The following LIMCH1 variants were observed in gnomAD, a reference collection of about 807,000 sequenced individuals.
LIMCH1 encodes LIM and calponin homology domains-containing protein 1.
Under a neutral mutation model 176.5 loss-of-function variants are expected in LIMCH1, and 113 were observed. That is an observed-to-expected ratio of 0.64 (90% CI 0.55 to 0.75). The LOEUF is 0.75. Ranked by LOEUF, LIMCH1 falls within the 30% of genes least tolerant of loss-of-function variation. LIMCH1 has a pLI of 0.00. For synonymous variants in LIMCH1, 619 were observed against 645.9 expected (o/e 0.96, Z 0.63); for missense variants, 1,674 against 1,814.9 (o/e 0.92, Z 1.41).
intron 1 of LIMCH1, among the ~76,000 whole-genome samples, chr4:41,492,123 G>T (rs2071177807): frequency 6.6e-6 from 1 of 152,210 alleles, no homozygotes; most frequent in South Asian, 2.1e-4. Flanking sequence ...ATTGAGCATT[G>T]AGTGAGCGAG....
intron 13 of LIMCH1, among the ~76,000 whole-genome samples, chr4:41,635,504 A>G (rs1425900535): frequency 6.6e-6 from 1 of 152,182 alleles, no homozygotes; most frequent in South Asian, 2.1e-4. Context: ...CCGGGATTAC[A>G]GGTTTGAGCC....
At chr4:41,547,748 A>AG (rs2079710123) in intron 1 of LIMCH1, among the ~76,000 whole-genome samples, 1 of 140,228 alleles carries the variant, frequency 7.1e-6, no homozygotes, top group African/African-American at 2.8e-5. Flanking sequence ...CATAAATAAT[A>AG]TATAAAAATA....
chr4:41,547,665 T>C (rs1030834533), intron 1 of LIMCH1, among the ~76,000 whole-genome samples: 2 of 146,222 alleles, frequency 1.4e-5, no homozygotes, highest in African/African-American at 5.0e-5. Flanking sequence ...GATATAAATA[T>C]ATACATATAT....
intron 1 of LIMCH1, among the ~76,000 whole-genome samples, chr4:41,423,704 C>T (rs2060825706): frequency 6.6e-6 from 1 of 152,124 alleles, no homozygotes; most frequent in African/African-American, 2.4e-5. Context: ...CAAAATACAT[C>T]AAAATATTCT....
intron 23 of LIMCH1, 106 bp downstream of exon 23, chr4:41,676,568 C>T (rs1319980078): frequency 5.9e-6 from 5 of 842,234 alleles, no homozygotes; most frequent in Non-Finnish European, 5.9e-6. Flanking sequence ...TCAAGTTATT[C>T]TCGGAAGTTA....
At chr4:41,633,239 T>G (rs1211554608) in intron 12 of LIMCH1, among the ~76,000 whole-genome samples, 154 bp downstream of exon 12, 2 of 152,004 alleles carry the variant, frequency 1.3e-5, no homozygotes, top group Non-Finnish European at 2.9e-5. Flanking sequence ...CATCCCAAGA[T>G]CAGAGTTCTG....
At chr4:41,515,724 A>T (rs1311517482) in intron 2 of LIMCH1, among the ~76,000 whole-genome samples, 2 of 152,156 alleles carry the variant, frequency 1.3e-5, no homozygotes, top group Non-Finnish European at 2.9e-5. Context: ...TATGATTTGA[A>T]CCCAGGTCTT....
At chr4:41,367,726 G>A (rs1158989193) in intron 1 of LIMCH1, among the ~76,000 whole-genome samples, 1 of 150,454 alleles carries the variant, frequency 6.6e-6, no homozygotes, top group Non-Finnish European at 1.5e-5. Flanking sequence ...AATCATCCGG[G>A]CGTGGTGGCA....
chr4:41,666,131 T>C (rs1408016594), intron 20 of LIMCH1, among the ~76,000 whole-genome samples: 1 of 152,222 alleles, frequency 6.6e-6, no homozygotes, highest in Non-Finnish European at 1.5e-5. Context: ...TGAAAAGTAA[T>C]ACTACTTTAA....
intron 7 of LIMCH1, among the ~76,000 whole-genome samples, chr4:41,625,701 C>T (rs906226804): frequency 3.3e-5 from 5 of 152,064 alleles, no homozygotes; most frequent in African/African-American, 9.7e-5. Context: ...GGGCATTTAG[C>T]CTAAAAATAA....
chr4:41,572,262 G>A (rs958958288), intron 1 of LIMCH1, among the ~76,000 whole-genome samples: 1 of 152,154 alleles, frequency 6.6e-6, no homozygotes, highest in Non-Finnish European at 1.5e-5. Context: ...ATTATTATAA[G>A]TTGTATAGAG....
Position 41,629,671 on chromosome 4 carries a change from T to C in LIMCH1, c.1208T>C (p.Leu403Pro), listed in dbSNP as rs1394251388. ...CGCGAGCCCCCGAGCTTCATTACGCTCTCCAACATAACAGAAGCTGACTTG... is the reference window on the plus strand; with the variant it reads ...CGCGAGCCCCCGAGCTTCATTACGCCCTCCAACATAACAGAAGCTGACTTG... ...PHREPPSFIT[L>P]SNITEADLET... The change falls in exon 9 of 32, where the codon CTC becomes CCC. Residue 403 changes from leucine to proline, a missense_variant. This residue lies in a region of LIMCH1 where 655 missense variants were observed against 692.2 expected (regional missense o/e 0.95). Coordinates refer to ENST00000503057, the MANE Select transcript of LIMCH1 (RefSeq NM_001330672.2). 3 of 1,535,756 alleles carry C rather than the reference T, an allele frequency of 2.0e-6. No individual in the cohort carries two copies. The South Asian group carries it at 3.6e-5, about 18-fold the overall frequency.
chr4:41,592,813 C>T (rs2087897719), intron 1 of LIMCH1, among the ~76,000 whole-genome samples: 1 of 152,140 alleles, frequency 6.6e-6, no homozygotes, highest in Admixed American at 6.5e-5. Context: ...ACTAGAAAAG[C>T]TATTTGTGCC....
chr4:41,511,608 C>T (rs535775074), intron 2 of LIMCH1, among the ~76,000 whole-genome samples: 1 of 152,332 alleles, frequency 6.6e-6, no homozygotes, highest in East Asian at 1.9e-4. Context: ...ACTCACCCAT[C>T]TTTGTATGCC....
intron 2 of LIMCH1, among the ~76,000 whole-genome samples, chr4:41,502,014 C>T (rs2073384930): frequency 6.6e-6 from 1 of 151,576 alleles, no homozygotes; most frequent in African/African-American, 2.4e-5. Context: ...GGTATTAAGC[C>T]CAGCATCCAT....
At chr4:41,618,378 GTGT>G (rs775914781) in intron 5 of LIMCH1, among the ~76,000 whole-genome samples, 2 of 152,172 alleles carry the variant, frequency 1.3e-5, no homozygotes, top group Non-Finnish European at 2.9e-5. Context: ...GAATTCCTTT[GTGT>G]TGTTTAAAAC....
intron 1 of LIMCH1, among the ~76,000 whole-genome samples, chr4:41,394,039 G>T (rs1188478648): frequency 6.6e-6 from 1 of 152,054 alleles, no homozygotes; most frequent in Non-Finnish European, 1.5e-5. Flanking sequence ...ATATCATCTG[G>T]GGGCAACTTT....
At chr4:41,427,225 C>G (rs1201148082) in intron 1 of LIMCH1, among the ~76,000 whole-genome samples, 1 of 152,158 alleles carries the variant, frequency 6.6e-6, no homozygotes, top group African/African-American at 2.4e-5. Context: ...GTCCTTCCCA[C>G]CCCTTCCCTC....
At chr4:41,399,204 A>G (rs1053102217) in intron 1 of LIMCH1, among the ~76,000 whole-genome samples, 26 of 152,170 alleles carry the variant, frequency 1.7e-4, no homozygotes, top group Admixed American at 1.4e-3. Flanking sequence ...CCTGTTGTTT[A>G]TTCTGAAAAG....
Sources: allele counts gnomAD v4.1 joint callset (sites outside exome capture counted in the v4.1 genomes callset), GRCh38; gene constraint gnomAD v4.1.1; regional missense constraint gnomAD v4.1.1; transcripts MANE v1.5; gene names NCBI Gene and HGNC (gene_info 2026-07-23, HGNC 2026-07-21).